The following KCNB2 variants were observed in gnomAD, a reference collection of about 807,000 sequenced individuals.
The protein encoded by KCNB2 is potassium voltage-gated channel subfamily B member 2.
A neutral mutation model predicts 61.5 loss-of-function variants in KCNB2; 15 were observed. The observed-to-expected ratio is 0.24, with a 90% CI of 0.16 to 0.38. KCNB2 has a LOEUF of 0.38. Ranked by LOEUF, KCNB2 falls within the 10% of genes least tolerant of loss-of-function variation. The probability of loss-of-function intolerance (pLI) is 1.00; values close to 1 mark genes in which losing one functional copy is unlikely to be tolerated. For missense variants in KCNB2, 828 were observed against 1,125.2 expected (o/e 0.74, Z 3.78); for synonymous variants, 457 against 446.0 (o/e 1.02, Z -0.31).
intron 2 of KCNB2, among the ~76,000 whole-genome samples, chr8:72,690,184 G>T (rs577716536): frequency 6.6e-6 from 1 of 152,220 alleles, no homozygotes; most frequent in African/African-American, 2.4e-5. Context: ...TTCATTTCAT[G>T]TCACTCGCTC....
intron 2 of KCNB2, among the ~76,000 whole-genome samples, chr8:72,641,282 C>T (rs766131198): frequency 6.6e-6 from 1 of 151,918 alleles, no homozygotes; most frequent in East Asian, 1.9e-4. Flanking sequence ...TTTTCTCATC[C>T]CTAAAGTTCC....
intron 2 of KCNB2, among the ~76,000 whole-genome samples, chr8:72,908,324 C>T (rs972041563): frequency 1.3e-5 from 2 of 152,052 alleles, no homozygotes; most frequent in Non-Finnish European, 2.9e-5. Flanking sequence ...TCAGTGTTTC[C>T]TTTATAGAAC....
chr8:72,706,663 C>T (rs765440325), intron 2 of KCNB2, among the ~76,000 whole-genome samples: 12 of 152,158 alleles, frequency 7.9e-5, no homozygotes, highest in Non-Finnish European at 1.6e-4. Flanking sequence ...GGAAAATAAA[C>T]ATGACTGGTC....
At chr8:72,700,829 C>T (rs938922829) in intron 2 of KCNB2, among the ~76,000 whole-genome samples, 1 of 152,122 alleles carries the variant, frequency 6.6e-6, no homozygotes, top group African/African-American at 2.4e-5. Context: ...GATATGAAAT[C>T]AACCCGAGTG....
intron 2 of KCNB2, among the ~76,000 whole-genome samples, chr8:72,583,948 C>CAAAAAAAAAAAAAAA (rs71566823): frequency 1.3e-4 from 13 of 100,782 alleles, no homozygotes; most frequent in Admixed American, 2.9e-4. Context: ...AATAGAATAT[C>CAAAAAAAAAAAAAAA]AAAAAAAAAA....
At chr8:72,930,522 T>C (rs1216481472) in intron 2 of KCNB2, among the ~76,000 whole-genome samples, 4 of 152,212 alleles carry the variant, frequency 2.6e-5, no homozygotes, top group African/African-American at 9.7e-5. Flanking sequence ...CATTGTGGTT[T>C]TGATTTGCAT....
At chr8:72,702,006 A>T (rs1807137973) in intron 2 of KCNB2, among the ~76,000 whole-genome samples, 1 of 152,084 alleles carries the variant, frequency 6.6e-6, no homozygotes, top group South Asian at 2.1e-4. Flanking sequence ...TCTTCTTTTC[A>T]ATTAGGTGTA....
chr8:72,937,462 T>C lies in KCNB2; in HGVS notation c.2107T>C (p.Ser703Pro), dbSNP rs1282696630. 1 of 1,612,698 alleles carries C rather than the reference T, an allele frequency of 6.2e-7. No homozygotes were observed. Among genetic ancestry groups the C allele is most frequent in the African/African-American group, 1.3e-5 (1 of 74,456 alleles). Reference sequence around the variant, plus strand: ...CAATGCCACCGACAGTCCTAAGAGCTCTCTAAAAGGCAGCAACCCACTAAA... The same window carrying C: ...CAATGCCACCGACAGTCCTAAGAGCCCTCTAAAAGGCAGCAACCCACTAAA... ...SDNATDSPKS[S>P]LKGSNPLKSR... is the part of the protein sequence containing the mutation. Residue 703 changes from serine to proline, a missense_variant, in exon 3 of 3, where the codon TCT becomes CCT. This residue lies in a region of KCNB2 where 559 missense variants were observed against 588.4 expected (regional missense o/e 0.95). Transcript: ENST00000523207.
chr8:72,874,883 T>A (rs1040641879), intron 2 of KCNB2: 1 of 152,190 alleles, frequency 6.6e-6, no homozygotes, highest in African/African-American at 2.4e-5. Flanking sequence ...ATCCTCACCC[T>A]CTCTTTCAAT....
At chr8:72,731,199 A>G (rs1018894318) in intron 2 of KCNB2, among the ~76,000 whole-genome samples, 24 of 152,220 alleles carry the variant, frequency 1.6e-4, no homozygotes, top group African/African-American at 5.8e-4. Flanking sequence ...TGCATCGTAC[A>G]TGTATTATCC....
At chr8:72,616,040 C>T (rs1232204874) in intron 2 of KCNB2, among the ~76,000 whole-genome samples, 1 of 152,134 alleles carries the variant, frequency 6.6e-6, no homozygotes, top group Admixed American at 6.5e-5. Context: ...CCCAAGGCTA[C>T]CTATTGACAA....
chr8:72,727,486 A>G lies in KCNB2; in HGVS notation c.579+159173A>G, dbSNP rs187771658. Among the ~76,000 whole-genome samples the G allele has an allele frequency of 7.2e-5, 11 of 152,298 alleles. No individual in the cohort carries two copies. The South Asian group carries it at 8.3e-4, about 11-fold the overall frequency. On this transcript the variant is annotated intron_variant, in intron 2 of 2. Transcript: ENST00000523207. ...AGTGTTATAAAGTGGAAGCATTTTT[A>G]TAGCTTACATTCAAAAGCCAAGTAG...
intron 2 of KCNB2, among the ~76,000 whole-genome samples, chr8:72,866,114 T>C (rs183970367): frequency 6.6e-6 from 1 of 152,290 alleles, no homozygotes; most frequent in East Asian, 1.9e-4. Flanking sequence ...CTATCAGTAA[T>C]GGAAAAGGCC....
At chr8:72,868,301 C>T (rs116630189) in intron 2 of KCNB2, among the ~76,000 whole-genome samples, 2,768 of 151,432 alleles carry the variant, frequency 0.018, 81 homozygotes, top group African/African-American at 0.063. Context: ...CGTTACTGGC[C>T]GGGCGCAGTG....
chr8:72,856,923 C>A (rs974508044), intron 2 of KCNB2, among the ~76,000 whole-genome samples: 65 of 152,248 alleles, frequency 4.3e-4, no homozygotes, highest in African/African-American at 1.2e-3. Context: ...ATCCTGCCCC[C>A]CTTCCCCCAC....
In KCNB2 at chr8:72,547,638, G is replaced by A. The variant is rs539832761; in HGVS notation, c.-94+9753G>A. Among the ~76,000 whole-genome samples, 13 of 152,320 alleles carry A rather than the reference G, an allele frequency of 8.5e-5. No individual in the cohort carries two copies. In the East Asian group the frequency reaches 2.5e-3, roughly 29 times the overall value. The stretch of plus-strand genomic sequence containing the variant: ...AGAAGTGGAGTCAGAAGATATACAT[G>A]AATTGCTGTGACCTCATAATCAAAC... On this transcript the variant is annotated intron_variant, in intron 1 of 2. Coordinates refer to ENST00000523207, the MANE Select transcript of KCNB2 (RefSeq NM_004770.3).
intron 2 of KCNB2, among the ~76,000 whole-genome samples, chr8:72,666,691 C>T (rs370754257): frequency 6.9e-6 from 1 of 144,930 alleles, no homozygotes; most frequent in Admixed American, 7.0e-5. Flanking sequence ...TTGCTCTTGT[C>T]GCCCAGGCTG....
chr8:72,666,002 C>A (rs978188760), intron 2 of KCNB2, among the ~76,000 whole-genome samples: 1 of 152,186 alleles, frequency 6.6e-6, no homozygotes, highest in Non-Finnish European at 1.5e-5. Flanking sequence ...CAGGGTTTAG[C>A]GTCCCTTCTT....
chr8:72,920,494 G>A (rs143844040), intron 2 of KCNB2, among the ~76,000 whole-genome samples: 1,527 of 46,098 alleles, frequency 0.033, 30 homozygotes, highest in Middle Eastern at 0.098. Flanking sequence ...TATATTAGCT[G>A]GCCATGGTGG....
Sources: gnomAD v4.1 joint callset for allele counts (sites outside exome capture counted in the v4.1 genomes callset) on GRCh38, gnomAD v4.1.1 for gene constraint, gnomAD v4.1.1 regional missense constraint, MANE v1.5 for transcripts, NCBI Gene and HGNC (gene_info 2026-07-23, HGNC 2026-07-21) for gene names.